Variants in MCPH1 observed in about 807,000 individuals in gnomAD.
MCPH1 encodes the protein microcephalin 1, also known as microcephalin.
In MCPH1, 104 loss-of-function variants were observed where a neutral mutation model predicts 84.5. The observed-to-expected ratio is 1.23, with a 90% CI of 1.05 to 1.45. MCPH1 has a LOEUF of 1.45. MCPH1 is among the 40% of genes most tolerant of loss of function. The pLI is 0.00. For synonymous variants in MCPH1, 514 were observed against 366.8 expected, an observed-to-expected ratio of 1.40 and a Z score of -4.58; for missense variants, 1,498 against 1,005.7, an observed-to-expected ratio of 1.49 and a Z score of -6.62.
intron 12 of MCPH1, among the ~76,000 whole-genome samples, chr8:6,555,953 T>C (rs1052808831): frequency 5.3e-5 from 8 of 152,116 alleles, no homozygotes; most frequent in African/African-American, 1.2e-4. Flanking sequence ...ATCTCACCTA[T>C]CTAGAGGTGA....
intron 9 of MCPH1, among the ~76,000 whole-genome samples, chr8:6,468,378 C>A (rs938927553): frequency 6.6e-6 from 1 of 152,136 alleles, no homozygotes; most frequent in East Asian, 1.9e-4. Context: ...TCCCACACAC[C>A]CAGACCGCAG....
chr8:6,522,536 G>T (rs1185186017), intron 12 of MCPH1, among the ~76,000 whole-genome samples: 1 of 152,144 alleles, frequency 6.6e-6, no homozygotes, highest in African/African-American at 2.4e-5. Flanking sequence ...CACTTTGGAA[G>T]GCTGAGGCAG....
intron 12 of MCPH1, among the ~76,000 whole-genome samples, chr8:6,576,255 G>C (rs557328384): frequency 2.0e-5 from 3 of 152,126 alleles, no homozygotes; most frequent in Admixed American, 6.5e-5. Context: ...ACTAAGGCTC[G>C]TTAATTGCAG....
At chr8:6,541,162 G>A (rs1821487005) in intron 12 of MCPH1, among the ~76,000 whole-genome samples, 1 of 152,228 alleles carries the variant, frequency 6.6e-6, no homozygotes, top group Non-Finnish European at 1.5e-5. Flanking sequence ...TGGGCCCAGA[G>A]GGTTAATTCC....
At chr8:6,433,985 C>G (rs1802264884) in intron 4 of MCPH1, among the ~76,000 whole-genome samples, 1 of 152,200 alleles carries the variant, frequency 6.6e-6, no homozygotes, top group South Asian at 2.1e-4. Flanking sequence ...GAACATTCTT[C>G]CCCCAAAATC....
intron 5 of MCPH1, among the ~76,000 whole-genome samples, chr8:6,437,158 T>C (rs989315225): frequency 2.0e-5 from 3 of 152,186 alleles, no homozygotes; most frequent in African/African-American, 7.2e-5. Flanking sequence ...GTTTTCTTTG[T>C]TTTAATCTAT....
At chr8:6,502,485 A>G (rs1317247013) in intron 12 of MCPH1, 2 of 152,272 alleles carry the variant, frequency 1.3e-5, no homozygotes, top group African/African-American at 2.4e-5. Flanking sequence ...AGCTGTCAAC[A>G]TAAATGTAAA....
At chr8:6,528,121 T>A (rs1301262691) in intron 12 of MCPH1, among the ~76,000 whole-genome samples, 1 of 152,178 alleles carries the variant, frequency 6.6e-6, no homozygotes, top group Non-Finnish European at 1.5e-5. Context: ...GGTCTGGAAC[T>A]CCTGACCTCA....
chr8:6,481,014 C>G, intron 11 of MCPH1, 138 bp downstream of exon 11: 1 of 1,060,524 alleles, frequency 9.4e-7, no homozygotes, highest in Non-Finnish European at 1.4e-6. Flanking sequence ...TGGGAACACC[C>G]GTCTTTCCTC....
At chr8:6,420,143 C>T (rs142648998) in intron 3 of MCPH1, among the ~76,000 whole-genome samples, 1 of 151,758 alleles carries the variant, frequency 6.6e-6, no homozygotes, top group Non-Finnish European at 1.5e-5. Context: ...CTTTTTTTCA[C>T]TGCCATTGGT....
At chr8:6,610,015 C>T (rs977492887) in intron 12 of MCPH1, among the ~76,000 whole-genome samples, 3 of 152,316 alleles carry the variant, frequency 2.0e-5, no homozygotes, top group East Asian at 1.9e-4. Context: ...ATTATATAAA[C>T]GATACTCCCA....
chr8:6,459,823 CG>C (rs1282608991), intron 9 of MCPH1, among the ~76,000 whole-genome samples: 1 of 152,140 alleles, frequency 6.6e-6, no homozygotes, highest in Admixed American at 6.6e-5. Flanking sequence ...AGCTGTCAGT[CG>C]TGAGTTCTGA....
At chr8:6,494,815 T>G (rs745870955) in intron 11 of MCPH1, among the ~76,000 whole-genome samples, 1 of 152,166 alleles carries the variant, frequency 6.6e-6, no homozygotes, top group Admixed American at 6.5e-5. Flanking sequence ...ATTTTGAAAC[T>G]AGAAAGAGGA....
chr8:6,445,331 G>A lies in MCPH1; in HGVS notation c.1609G>A (p.Gly537Arg), dbSNP rs761189569. 6.2e-7 allele frequency: 1 copy of A among 1,614,230 alleles called. No homozygotes were observed. Among genetic ancestry groups the A allele is most frequent in the African/African-American group, 1.3e-5 (1 of 75,064 alleles). Residue 537 changes from glycine to arginine, a missense_variant, in exon 8 of 14, where the codon GGA (glycine) becomes AGA (arginine). Coordinates refer to ENST00000344683, the MANE Select transcript of MCPH1 (RefSeq NM_024596.5). ...YTIEDPALPKGHDDDLTPLEG... is the reference protein window; with the variant it reads ...YTIEDPALPKRHDDDLTPLEG... ...CATTGAGGACCCTGCTCTTCCAAAA[G>A]GACATGATGATGATTTAACTCCTTT... is the stretch of plus-strand genomic sequence containing the variant.
chr8:6,407,047 G>T lies in MCPH1; in HGVS notation c.22+358G>T, dbSNP rs1350851489. ...CCCCGCTGCCTGCTCCCTCCCCCAT[G>T]CTGCCTGTCCCCCAAATCCCGCCTT... On this transcript the variant is annotated intron_variant, in intron 1 of 13. Transcript: ENST00000344683. 5 of 321,060 alleles carry T rather than the reference G, an allele frequency of 1.6e-5. No homozygotes were observed. In the Admixed American group the frequency reaches 1.6e-4, roughly 10 times the overall value. 19.9% of individuals were successfully genotyped at this position (321,060 alleles called of 1,614,324 possible). A position where few individuals can be genotyped will look rare whatever the true frequency, so the allele number is the denominator to read the frequency against.
At chr8:6,558,504 T>C (rs998861257) in intron 12 of MCPH1, among the ~76,000 whole-genome samples, 2 of 152,222 alleles carry the variant, frequency 1.3e-5, no homozygotes, top group African/African-American at 4.8e-5. Flanking sequence ...TCACCAATGG[T>C]AAGACCATTA....
At chr8:6,602,819 G>A (rs2922839) in intron 12 of MCPH1, among the ~76,000 whole-genome samples, 1 of 151,790 alleles carries the variant, frequency 6.6e-6, no homozygotes, top group African/African-American at 2.4e-5. Context: ...ATATTTGCTT[G>A]GTGTTTTCAG....
intron 12 of MCPH1, among the ~76,000 whole-genome samples, chr8:6,528,071 A>G (rs1818723029): frequency 6.6e-6 from 1 of 151,592 alleles, no homozygotes; most frequent in Non-Finnish European, 1.5e-5. Flanking sequence ...AATTTTTTAT[A>G]TTTTTGGTAC....
At chr8:6,635,958 T>A (rs1194387073) in intron 13 of MCPH1, among the ~76,000 whole-genome samples, 1 of 152,250 alleles carries the variant, frequency 6.6e-6, no homozygotes, top group Non-Finnish European at 1.5e-5. Flanking sequence ...AAGTCTTCAC[T>A]GTGTTAATGG....
Sources: gnomAD v4.1 joint callset for allele counts (sites outside exome capture counted in the v4.1 genomes callset) on GRCh38, gnomAD v4.1.1 for gene constraint, MANE v1.5 for transcripts, NCBI Gene and HGNC (gene_info 2026-07-23, HGNC 2026-07-21) for gene names.